The following KCND2 variants were observed in gnomAD, a reference collection of about 807,000 sequenced individuals.
The protein encoded by KCND2 is A-type voltage-gated potassium channel KCND2.
Under a neutral mutation model 54.4 loss-of-function variants are expected in KCND2, and 16 were observed. That is an observed-to-expected ratio of 0.29 (90% CI 0.20 to 0.45). The LOEUF is 0.45. Among genes scored for constraint, KCND2 ranks in the 20% least tolerant of loss-of-function variants. The pLI is 1.00. For synonymous variants in KCND2, 317 were observed against 310.7 expected, an observed-to-expected ratio of 1.02 and a Z score of -0.21; for missense variants, 486 against 824.2, an observed-to-expected ratio of 0.59 and a Z score of 5.02.
At chr7:120,501,553 T>C (rs1483458190) in intron 1 of KCND2, among the ~76,000 whole-genome samples, 6 of 152,178 alleles carry the variant, frequency 3.9e-5, no homozygotes. Context: ...AAGAAAATAC[T>C]TATAGTTTTG....
chr7:120,457,757 C>T (rs928570622), intron 1 of KCND2, among the ~76,000 whole-genome samples: 21 of 152,176 alleles, frequency 1.4e-4, no homozygotes, highest in Non-Finnish European at 1.5e-5. Flanking sequence ...CCAACCTCTG[C>T]CTGTTATCCA....
chr7:120,330,012 C>G (rs1486613332), intron 1 of KCND2, among the ~76,000 whole-genome samples: 1 of 151,822 alleles, frequency 6.6e-6, no homozygotes, highest in Non-Finnish European at 1.5e-5. Context: ...AAGTGTTTGT[C>G]ATTTGTTAGT....
At chr7:120,489,022 G>A (rs1423007486) in intron 1 of KCND2, among the ~76,000 whole-genome samples, 5 of 152,002 alleles carry the variant, frequency 3.3e-5, no homozygotes, top group African/African-American at 4.8e-5. Flanking sequence ...CAAGCATCAC[G>A]ATTAGAATTA....
chr7:120,519,625 T>C (rs1043385051), intron 1 of KCND2, among the ~76,000 whole-genome samples: 4 of 152,134 alleles, frequency 2.6e-5, no homozygotes, highest in African/African-American at 9.7e-5. Context: ...AGATAATAAA[T>C]TGTCTTTTAA....
chr7:120,343,503 T>C (rs908707441), intron 1 of KCND2, among the ~76,000 whole-genome samples: 15 of 152,174 alleles, frequency 9.9e-5, no homozygotes, highest in African/African-American at 3.4e-4. Flanking sequence ...CAGGAATTAA[T>C]CTGTAGTATA....
At chr7:120,685,037 T>G (rs1365883509) in intron 1 of KCND2, among the ~76,000 whole-genome samples, 2 of 152,198 alleles carry the variant, frequency 1.3e-5, no homozygotes, top group African/African-American at 2.4e-5. Context: ...CACAATAAAT[T>G]TAATGCATTT....
At chr7:120,289,533 A>G (rs746140150) in intron 1 of KCND2, among the ~76,000 whole-genome samples, 57 of 152,090 alleles carry the variant, frequency 3.7e-4, no homozygotes, top group Non-Finnish European at 6.8e-4. Flanking sequence ...AGGGAAAATA[A>G]AAGAAAAACC....
chr7:120,441,045 T>C (rs1801938641), intron 1 of KCND2, among the ~76,000 whole-genome samples: 1 of 151,888 alleles, frequency 6.6e-6, no homozygotes. Flanking sequence ...ACACCTCACA[T>C]TACCATCACA....
intron 1 of KCND2, among the ~76,000 whole-genome samples, chr7:120,374,536 A>G (rs532923358): frequency 6.6e-6 from 1 of 151,908 alleles, no homozygotes; most frequent in African/African-American, 2.4e-5. Context: ...CTTGCTGTAC[A>G]TGGGTTTCAT....
chr7:120,426,126 A>G (rs1801702979), intron 1 of KCND2, among the ~76,000 whole-genome samples: 1 of 152,136 alleles, frequency 6.6e-6, no homozygotes, highest in East Asian at 1.9e-4. Context: ...TCACATAATT[A>G]AACTTGTATG....
chr7:120,420,128 GTGT>G (rs1335218392), intron 1 of KCND2, among the ~76,000 whole-genome samples: 2 of 151,828 alleles, frequency 1.3e-5, no homozygotes, highest in African/African-American at 4.8e-5. Context: ...AGGTACATTT[GTGT>G]TGTTATGAGT....
intron 1 of KCND2, among the ~76,000 whole-genome samples, chr7:120,293,647 G>A (rs540484054): frequency 2.0e-4 from 31 of 151,852 alleles, no homozygotes; most frequent in South Asian, 1.7e-3. Context: ...TATTATCATC[G>A]TTATCACAGA....
chr7:120,372,772 G>C (rs1800782305), intron 1 of KCND2, among the ~76,000 whole-genome samples: 1 of 151,772 alleles, frequency 6.6e-6, no homozygotes, highest in South Asian at 2.1e-4. Flanking sequence ...TTTCTTACCT[G>C]ATAGGTTTCT....
intron 1 of KCND2, among the ~76,000 whole-genome samples, chr7:120,350,357 C>A (rs920482257): frequency 6.6e-6 from 1 of 152,106 alleles, no homozygotes; most frequent in Non-Finnish European, 1.5e-5. Flanking sequence ...AATTTTCCTA[C>A]ATTTCTTATG....
chr7:120,457,069 G>A (rs1017234782), intron 1 of KCND2, among the ~76,000 whole-genome samples: 5 of 152,148 alleles, frequency 3.3e-5, no homozygotes, highest in East Asian at 1.9e-4. Context: ...GTATACATTC[G>A]CCCCTTTTGG....
chr7:120,433,680 C>T (rs1490775264), intron 1 of KCND2, among the ~76,000 whole-genome samples: 1 of 152,128 alleles, frequency 6.6e-6, no homozygotes, highest in Non-Finnish European at 1.5e-5. Flanking sequence ...AAAAGAAAAA[C>T]CTAATATCCA....
At chr7:120,655,963 A>T (rs1394749064) in intron 1 of KCND2, among the ~76,000 whole-genome samples, 3 of 152,134 alleles carry the variant, frequency 2.0e-5, no homozygotes. Flanking sequence ...GCATACACTC[A>T]ATCTACAAGC....
At chr7:120,557,344 A>T (rs966417424) in intron 1 of KCND2, among the ~76,000 whole-genome samples, 4 of 152,176 alleles carry the variant, frequency 2.6e-5, no homozygotes, top group African/African-American at 9.6e-5. Flanking sequence ...ATTTTTAAGT[A>T]CAGTCTCCCT....
intron 1 of KCND2, among the ~76,000 whole-genome samples, chr7:120,430,208 C>G (rs1328429490): frequency 6.6e-6 from 1 of 152,172 alleles, no homozygotes; most frequent in African/African-American, 2.4e-5. Context: ...CCTTGGCTTG[C>G]AGTCTTCTTA....
Sources: allele counts gnomAD v4.1 joint callset (sites outside exome capture counted in the v4.1 genomes callset), GRCh38; gene constraint gnomAD v4.1.1; transcripts MANE v1.5; gene names NCBI Gene and HGNC (gene_info 2026-07-23, HGNC 2026-07-21).